Variants in SRPK2 observed in about 807,000 individuals in gnomAD.
The protein encoded by SRPK2 is SFRS protein kinase 2.
A neutral mutation model predicts 90.8 loss-of-function variants in SRPK2; 21 were observed. The observed-to-expected ratio is 0.23, with a 90% CI of 0.16 to 0.33. The LOEUF (loss-of-function observed/expected upper bound fraction) is 0.33. Ranked by LOEUF, SRPK2 falls within the 10% of genes least tolerant of loss-of-function variation. The pLI, the probability that SRPK2 is intolerant of heterozygous loss-of-function variation, is 1.00. For synonymous variants in SRPK2, 288 were observed against 311.1 expected, an observed-to-expected ratio of 0.93 and a Z score of 0.78; for missense variants, 620 against 869.0, an observed-to-expected ratio of 0.71 and a Z score of 3.60.
At chr7:105,289,100 C>CA (rs57131530) in intron 2 of SRPK2, among the ~76,000 whole-genome samples, 32,451 of 86,058 alleles carry the variant, frequency 0.38, 5,786 homozygotes, top group Non-Finnish European at 0.46. Flanking sequence ...ACTTAAAGCA[C>CA]AAAAAAAAAA....
At chr7:105,140,715 C>T (rs1030685325) in intron 11 of SRPK2, among the ~76,000 whole-genome samples, 2 of 152,142 alleles carry the variant, frequency 1.3e-5, no homozygotes, top group African/African-American at 4.8e-5. Context: ...GTAATCCCAG[C>T]ACTTTGGGAA....
chr7:105,266,267 T>C (rs912155585), intron 2 of SRPK2, among the ~76,000 whole-genome samples: 1 of 152,136 alleles, frequency 6.6e-6, no homozygotes, highest in African/African-American at 2.4e-5. Context: ...TTTCCCATTT[T>C]ATAAAATTGA....
At chr7:105,148,212 G>A (rs771302370) in intron 7 of SRPK2, among the ~76,000 whole-genome samples, 23 of 151,274 alleles carry the variant, frequency 1.5e-4, no homozygotes, top group Non-Finnish European at 2.5e-4. Flanking sequence ...GAAGTATCTT[G>A]TTGTAGTTTT....
chr7:105,179,694 G>A (rs965102165), intron 3 of SRPK2, among the ~76,000 whole-genome samples: 10 of 151,614 alleles, frequency 6.6e-5, no homozygotes, highest in Admixed American at 3.3e-4. Flanking sequence ...GTGTGGTGGC[G>A]CATGCCTTTA....
intron 2 of SRPK2, among the ~76,000 whole-genome samples, chr7:105,210,350 C>T (rs1017678138): frequency 6.6e-6 from 1 of 152,146 alleles, no homozygotes; most frequent in Admixed American, 6.5e-5. Context: ...TATGTCCACC[C>T]TATATCTATA....
At chr7:105,252,179 T>C (rs1377250232) in intron 2 of SRPK2, among the ~76,000 whole-genome samples, 1 of 152,124 alleles carries the variant, frequency 6.6e-6, no homozygotes. Context: ...ATGCTCAAAA[T>C]AACTTTATAC....
intron 3 of SRPK2, among the ~76,000 whole-genome samples, chr7:105,171,994 A>G (rs1411675125): frequency 6.6e-6 from 1 of 152,110 alleles, no homozygotes. Flanking sequence ...CCTGGGTTCA[A>G]GCCATTCTCC....
At chr7:105,319,430 A>G (rs1297370964) in intron 2 of SRPK2, among the ~76,000 whole-genome samples, 2 of 145,424 alleles carry the variant, frequency 1.4e-5, no homozygotes, top group African/African-American at 5.1e-5. Context: ...AAGCTTACTT[A>G]AGAAACATAC....
At chr7:105,247,582 G>GT (rs1439994294) in intron 2 of SRPK2, among the ~76,000 whole-genome samples, 1 of 133,228 alleles carries the variant, frequency 7.5e-6, no homozygotes, top group Non-Finnish European at 1.7e-5. Context: ...CCTTTTCTTG[G>GT]TTTTTAATTG....
At position 105,362,603 on chromosome 7, in the gene SRPK2, T is replaced by A. The variant is rs932833766; in HGVS notation, c.71+26045A>T. Among the ~76,000 whole-genome samples the A allele has an allele frequency of 3.9e-5, 6 of 151,934 alleles. No individual in the cohort carries two copies. The South Asian group carries it at 6.3e-4, about 16-fold the overall frequency. On this transcript the variant is annotated intron_variant, in intron 2 of 15. Coordinates refer to ENST00000393651, the MANE Select transcript of SRPK2 (RefSeq NM_182692.3). Reference sequence around the variant, plus strand: ...AACACTTTTAAACTGTTGGTGGGACTGTAAACTAGTTCAACCATGTGGAAG... The same window carrying A: ...AACACTTTTAAACTGTTGGTGGGACAGTAAACTAGTTCAACCATGTGGAAG...
At chr7:105,124,050 A>G (rs1800777782) in intron 15 of SRPK2, among the ~76,000 whole-genome samples, 1 of 152,244 alleles carries the variant, frequency 6.6e-6, no homozygotes, top group Non-Finnish European at 1.5e-5. Context: ...ATACACATCC[A>G]CAAGCTGTCT....
At chr7:105,389,774 G>C (rs905277045), upstream of SRPK2, among the ~76,000 whole-genome samples, 16 of 152,134 alleles carry the variant, frequency 1.1e-4, no homozygotes, top group Non-Finnish European at 1.5e-5. Flanking sequence ...AGTTGATAGT[G>C]ACACAAAAAG....
chr7:105,391,368 G>A (rs1004721435), upstream of SRPK2, among the ~76,000 whole-genome samples: 1 of 152,108 alleles, frequency 6.6e-6, no homozygotes, highest in Non-Finnish European at 1.5e-5. Flanking sequence ...ACCACGCCTG[G>A]CTAATTTTGT....
intron 2 of SRPK2, among the ~76,000 whole-genome samples, chr7:105,225,952 C>CG (rs1798653798): frequency 1.3e-5 from 2 of 152,122 alleles, no homozygotes; most frequent in Non-Finnish European, 2.9e-5. Context: ...CAGCCACATG[C>CG]GGGGGTTAGC....
chr7:105,182,404 A>G (rs1792986024), intron 3 of SRPK2, among the ~76,000 whole-genome samples: 1 of 151,758 alleles, frequency 6.6e-6, no homozygotes, highest in Non-Finnish European at 1.5e-5. Context: ...TCAGACTTTG[A>G]AGAGCCTTGA....
chr7:105,123,500 T>A (rs955724653), intron 15 of SRPK2, among the ~76,000 whole-genome samples: 11 of 152,334 alleles, frequency 7.2e-5, no homozygotes, highest in African/African-American at 2.6e-4. Context: ...TTGTTATCAG[T>A]TCTAGCACAA....
At chr7:105,168,671 C>T (rs962754545) in intron 4 of SRPK2, among the ~76,000 whole-genome samples, 1 of 151,224 alleles carries the variant, frequency 6.6e-6, no homozygotes, top group East Asian at 1.9e-4. Flanking sequence ...GAATATTACA[C>T]ACCAACCTAA....
At chr7:105,276,634 A>T (rs958545985) in intron 2 of SRPK2, among the ~76,000 whole-genome samples, 1 of 151,892 alleles carries the variant, frequency 6.6e-6, no homozygotes, top group South Asian at 2.1e-4. Context: ...GCTACTTAGG[A>T]GGCTGAGATG....
chr7:105,398,503 C>A (rs952839620), intron 1 of SRPK2, among the ~76,000 whole-genome samples: 11 of 151,960 alleles, frequency 7.2e-5, no homozygotes, highest in Non-Finnish European at 1.5e-4. Flanking sequence ...CCTGCCTCAG[C>A]CTCCCTAGGA....
Sources: gnomAD v4.1 joint callset for allele counts (sites outside exome capture counted in the v4.1 genomes callset) on GRCh38, gnomAD v4.1.1 for gene constraint, MANE v1.5 for transcripts, NCBI Gene and HGNC (gene_info 2026-07-23, HGNC 2026-07-21) for gene names.